The following DRC1 variants were observed in gnomAD, a reference collection of about 807,000 sequenced individuals.
The protein encoded by DRC1 is dynein regulatory complex subunit 1.
In DRC1, 74 loss-of-function variants were observed where a neutral mutation model predicts 98.7. The observed-to-expected ratio is 0.75, with a 90% CI of 0.62 to 0.91. The LOEUF is 0.91. DRC1 is among the 40% of genes least tolerant of loss of function. The pLI is 0.00. For synonymous variants in DRC1, 336 were observed against 334.1 expected, an observed-to-expected ratio of 1.01 and a Z score of -0.06; for missense variants, 875 against 886.0, an observed-to-expected ratio of 0.99 and a Z score of 0.16.
chr2:26,456,388 G>A, intron 16 of DRC1, 73 bp from the exon 17 acceptor site: 1 of 1,590,060 alleles, frequency 6.3e-7, no homozygotes, highest in South Asian at 1.1e-5. Flanking sequence ...GGGAGAGCCA[G>A]CGTGGCTCGC....
At chr2:26,432,222 C>T (rs1422379882) in intron 7 of DRC1, among the ~76,000 whole-genome samples, 1 of 152,166 alleles carries the variant, frequency 6.6e-6, no homozygotes, top group Non-Finnish European at 1.5e-5. Flanking sequence ...GTGAGCTGAG[C>T]ACGGTGGCTT....
intron 10 of DRC1, 105 bp downstream of exon 10, chr2:26,445,053 A>G (rs1262927194): frequency 2.5e-6 from 3 of 1,203,830 alleles, no homozygotes; most frequent in East Asian, 2.5e-5. Flanking sequence ...GGGGAAGAGT[A>G]TGATTATTGG....
At chr2:26,456,440 C>A (rs201263749) in intron 16 of DRC1, 21 bp from the exon 17 acceptor site, 17 of 1,613,938 alleles carry the variant, frequency 1.1e-5, no homozygotes, top group South Asian at 4.4e-5. Context: ...AATGTAACGA[C>A]TTTCACCCTT....
intron 8 of DRC1, 53 bp from the exon 9 acceptor site, chr2:26,444,169 A>G: frequency 6.2e-7 from 1 of 1,610,078 alleles, no homozygotes. Flanking sequence ...TGAGAGGAAC[A>G]TACATAATAC....
At chr2:26,427,594 T>C (rs942577549) in intron 4 of DRC1, among the ~76,000 whole-genome samples, 2 of 152,196 alleles carry the variant, frequency 1.3e-5, no homozygotes, top group Non-Finnish European at 2.9e-5. Context: ...TATACTCTTT[T>C]AGTTATTTTA....
chr2:26,445,539 G>A (rs1261249525), intron 10 of DRC1, among the ~76,000 whole-genome samples: 1 of 152,168 alleles, frequency 6.6e-6, no homozygotes, highest in Non-Finnish European at 1.5e-5. Context: ...CAAATTTGAT[G>A]TATTTTAGTT....
chr2:26,440,575 G>C (rs569023558), intron 8 of DRC1, 58 bp downstream of exon 8: 2 of 1,511,946 alleles, frequency 1.3e-6, no homozygotes, highest in Non-Finnish European at 1.8e-6. Context: ...AATAGGGATG[G>C]ATATGTACTT....
At chr2:26,445,279 T>G (rs1177120646) in intron 10 of DRC1, among the ~76,000 whole-genome samples, 1 of 152,244 alleles carries the variant, frequency 6.6e-6, no homozygotes, top group Non-Finnish European at 1.5e-5. Flanking sequence ...ATCCATTAAC[T>G]GTATTAGGGA....
Position 26,430,519 on chromosome 2 carries a change from A to G in DRC1, c.679-267A>G, listed in dbSNP as rs138339307. On this transcript the variant is annotated intron_variant, in intron 5 of 16. Transcript: ENST00000288710. ...CCAACAGGGGCACTGGCCTTCCTCC[A>G]GTTCCCTGCCTCTGATATTGACTAA... 667 of 552,278 alleles carry G rather than the reference A, an allele frequency of 1.2e-3. 3 individuals carry two copies. Among genetic ancestry groups the G allele is most frequent in the African/African-American group, 0.012 (613 of 53,302 alleles). 34.2% of individuals were successfully genotyped at this position (552,278 alleles called of 1,614,324 possible).
intron 4 of DRC1, among the ~76,000 whole-genome samples, chr2:26,425,305 G>A (rs924053884): frequency 6.6e-6 from 1 of 152,080 alleles, no homozygotes; most frequent in South Asian, 2.1e-4. Flanking sequence ...ACCACATCTT[G>A]TTTTATACAT....
intron 13 of DRC1, among the ~76,000 whole-genome samples, chr2:26,452,266 T>C (rs949996266): frequency 1.2e-4 from 18 of 152,198 alleles, no homozygotes; most frequent in African/African-American, 4.3e-4. Flanking sequence ...ATTCTTCTTC[T>C]TTTTTTTGAG....
At chr2:26,445,798 A>G (rs1197497412) in intron 10 of DRC1, among the ~76,000 whole-genome samples, 1 of 151,944 alleles carries the variant, frequency 6.6e-6, no homozygotes, top group East Asian at 1.9e-4. Flanking sequence ...AGCTGGGACT[A>G]CAGGTGCGCA....
chr2:26,450,118 G>T, intron 12 of DRC1, 33 bp downstream of exon 12: 1 of 1,594,602 alleles, frequency 6.3e-7, no homozygotes, highest in East Asian at 2.3e-5. Context: ...GACACGGGTG[G>T]GGCTGCAGCC....
chr2:26,429,221 T>C (rs888126383), intron 4 of DRC1, among the ~76,000 whole-genome samples: 34 of 89,274 alleles, frequency 3.8e-4, no homozygotes, highest in African/African-American at 9.4e-4. Flanking sequence ...TTATTATTAT[T>C]ATTATTATTA....
chr2:26,414,403 G>C lies in DRC1; in HGVS notation c.215G>C (p.Ser72Thr), dbSNP rs149398412. Residue 72 changes from serine (S) to threonine (T), a missense_variant, in exon 2 of 17, where the codon AGC becomes ACC. Physicochemically the swap from Ser to Thr is moderately conservative, Grantham distance 58. Transcript: ENST00000288710. ...GAGAGTGAGGAGGATCAAAGCAAGA[G>C]CTACAAACAGAAAGAAGAAAGCCGA... ...KKESEEDQSK[S>T]YKQKEESRLK... The C allele has an allele frequency of 3.5e-4, 565 of 1,613,806 alleles. 2 individuals carry two copies. The highest frequency in any genetic ancestry group is 4.1e-4 in the Non-Finnish European group (487 of 1,179,928).
chr2:26,412,515 T>C (rs1356225761), intron 1 of DRC1, among the ~76,000 whole-genome samples: 1 of 152,194 alleles, frequency 6.6e-6, no homozygotes, highest in Non-Finnish European at 1.5e-5. Flanking sequence ...GCGTGGGGGT[T>C]GGTGAGGTCA....
In DRC1 at chr2:26,401,984, C is replaced by G. The variant is rs1384498553; in HGVS notation, c.-6C>G. 2 of 1,598,076 alleles carry G rather than the reference C, an allele frequency of 1.3e-6. No individual in the cohort carries two copies. The highest frequency in any genetic ancestry group is 1.7e-5 in the Admixed American group (1 of 57,952). On this transcript the variant is annotated 5_prime_UTR_variant, in exon 1 of 17. Transcript: ENST00000288710. Reference sequence around the variant, plus strand: ...GGGAGCCGCCTAGGGACCAGGGACTCCTGCCATGAATCCGCCGGGGTCCCT... The same window carrying G: ...GGGAGCCGCCTAGGGACCAGGGACTGCTGCCATGAATCCGCCGGGGTCCCT...
intron 16 of DRC1, 132 bp from the exon 17 acceptor site, chr2:26,456,329 C>T: frequency 1.8e-6 from 2 of 1,098,558 alleles, no homozygotes; most frequent in Non-Finnish European, 2.7e-6. Context: ...GGGTGTTCAG[C>T]ATCTCTCAGC....
chr2:26,428,441 A>G (rs1465230372), intron 4 of DRC1, among the ~76,000 whole-genome samples: 1 of 152,196 alleles, frequency 6.6e-6, no homozygotes, highest in Non-Finnish European at 1.5e-5. Flanking sequence ...TGTACTGAAT[A>G]CTGTAAGCAG....
Sources: gnomAD v4.1 joint callset for allele counts (sites outside exome capture counted in the v4.1 genomes callset) on GRCh38, gnomAD v4.1.1 for gene constraint, MANE v1.5 for transcripts, NCBI Gene and HGNC (gene_info 2026-07-23, HGNC 2026-07-21) for gene names.